CDKL4: variants seen among roughly 807,000 people sequenced by gnomAD.
CDKL4 encodes the protein cyclin-dependent kinase-like 4.
A neutral mutation model predicts 42.0 loss-of-function variants in CDKL4; 44 were observed. That is an observed-to-expected ratio of 1.05 (90% CI 0.82 to 1.35). The LOEUF (loss-of-function observed/expected upper bound fraction) is 1.35, where lower values mean the gene tolerates loss of function less well. CDKL4 is among the 40% of genes most tolerant of loss of function. The probability of loss-of-function intolerance (pLI) is 0.00; values close to 1 mark genes in which losing one functional copy is unlikely to be tolerated. For missense variants in CDKL4, 393 were observed against 369.9 expected (o/e 1.06, Z -0.51); for synonymous variants, 120 against 121.6 (o/e 0.99, Z 0.09).
chr2:39,174,176 G>A (rs1213660754), downstream of CDKL4, among the ~76,000 whole-genome samples: 2 of 151,992 alleles, frequency 1.3e-5, no homozygotes, highest in African/African-American at 2.4e-5. Flanking sequence ...AGGCCGAGGT[G>A]GGAGGATCAC....
At chr2:39,197,725 A>G (rs1422345989) in intron 5 of CDKL4, among the ~76,000 whole-genome samples, 3 of 152,222 alleles carry the variant, frequency 2.0e-5, no homozygotes, top group African/African-American at 7.2e-5. Flanking sequence ...AGAATTTTGT[A>G]TCTAGTGAAA....
intron 4 of CDKL4, among the ~76,000 whole-genome samples, chr2:39,204,996 C>A (rs1677076237): frequency 6.6e-6 from 1 of 151,368 alleles, no homozygotes; most frequent in African/African-American, 2.4e-5. Flanking sequence ...CTGGGCAATG[C>A]AATGAGACCC....
chr2:39,207,070 T>G (rs561044713), intron 4 of CDKL4, among the ~76,000 whole-genome samples: 13 of 152,286 alleles, frequency 8.5e-5, no homozygotes, highest in Non-Finnish European at 1.6e-4. Flanking sequence ...TTAAAAGTAC[T>G]AAGGCCTTAG....
chr2:39,215,306 A>G (rs570728055), intron 3 of CDKL4, among the ~76,000 whole-genome samples: 3 of 152,196 alleles, frequency 2.0e-5, no homozygotes, highest in East Asian at 3.9e-4. Flanking sequence ...ATTCCATTTT[A>G]TGCCTTTATT....
intron 4 of CDKL4, among the ~76,000 whole-genome samples, chr2:39,212,261 T>A (rs937903760): frequency 2.7e-5 from 4 of 147,718 alleles, no homozygotes; most frequent in African/African-American, 1.0e-4. Flanking sequence ...TGAGACAGAG[T>A]CTCACACTGT....
At chr2:39,213,143 G>A (rs1039497049) in intron 4 of CDKL4, among the ~76,000 whole-genome samples, 1 of 152,084 alleles carries the variant, frequency 6.6e-6, no homozygotes, top group East Asian at 1.9e-4. Context: ...ACTTTCTTTT[G>A]TTATTCCCTT....
At chr2:39,223,442 G>A (rs187424760) in intron 3 of CDKL4, among the ~76,000 whole-genome samples, 1 of 152,100 alleles carries the variant, frequency 6.6e-6, no homozygotes, top group Non-Finnish European at 1.5e-5. Flanking sequence ...CTGTTGATAA[G>A]ACTGGGTATA....
chr2:39,203,351 C>G (rs1012564096), intron 5 of CDKL4, among the ~76,000 whole-genome samples: 7 of 152,092 alleles, frequency 4.6e-5, no homozygotes, highest in Non-Finnish European at 1.0e-4. Context: ...ATATGAAATG[C>G]TGCTCTTATG....
exon 6 of CDKL4, chr2:39,190,455 C>T: frequency 1.9e-6 from 3 of 1,614,112 alleles, no homozygotes; most frequent in Non-Finnish European, 2.5e-6. Flanking sequence ...AGTTCAGGAG[C>T]TCGGTACCAT....
intron 5 of CDKL4, among the ~76,000 whole-genome samples, chr2:39,197,321 G>A (rs1676575943): frequency 1.3e-5 from 2 of 152,164 alleles, no homozygotes; most frequent in Admixed American, 6.5e-5. Context: ...CCTCCAAGAA[G>A]TTTGGTATTA....
chr2:39,246,808 A>G (rs763741221), upstream of CDKL4, among the ~76,000 whole-genome samples: 1 of 152,162 alleles, frequency 6.6e-6, no homozygotes, highest in Non-Finnish European at 1.5e-5. Context: ...CAGTGTCACA[A>G]TCATAGCTCA....
At chr2:39,232,577 A>G (rs1679137810) in intron 1 of CDKL4, among the ~76,000 whole-genome samples, 1 of 152,210 alleles carries the variant, frequency 6.6e-6, no homozygotes, top group Non-Finnish European at 1.5e-5. Context: ...ATGGCTTGTC[A>G]AGGTACATGT....
At chr2:39,226,758 T>C (rs1053345129) in intron 2 of CDKL4, among the ~76,000 whole-genome samples, 2 of 151,860 alleles carry the variant, frequency 1.3e-5, no homozygotes. Context: ...GGTGACCACA[T>C]AATTCAGCAT....
intron 8 of CDKL4, among the ~76,000 whole-genome samples, chr2:39,183,499 G>C (rs1425251236): frequency 6.6e-6 from 1 of 152,190 alleles, no homozygotes; most frequent in Non-Finnish European, 1.5e-5. Flanking sequence ...CTTTGGAGAT[G>C]AGGACAGGGA....
chr2:39,187,796 G>T, intron 6 of CDKL4, 87 bp from the exon 7 acceptor site: 1 of 824,628 alleles, frequency 1.2e-6, no homozygotes, highest in Non-Finnish European at 2.0e-6. Context: ...GGCCAGGCAT[G>T]GTGGCTCACA....
intron 3 of CDKL4, among the ~76,000 whole-genome samples, chr2:39,214,430 A>C (rs1490817662): frequency 6.6e-6 from 1 of 152,198 alleles, no homozygotes; most frequent in Non-Finnish European, 1.5e-5. Flanking sequence ...GCTCCAGAGG[A>C]GATCATTATA....
intron 4 of CDKL4, among the ~76,000 whole-genome samples, chr2:39,212,806 C>T (rs188204845): frequency 1.1e-4 from 17 of 152,110 alleles, no homozygotes; most frequent in South Asian, 6.2e-4. Context: ...ATTACAGGTG[C>T]GCACCACCAT....
intron 3 of CDKL4, among the ~76,000 whole-genome samples, chr2:39,220,941 C>T (rs998863568): frequency 5.3e-5 from 7 of 132,786 alleles, no homozygotes; most frequent in Non-Finnish European, 1.1e-4. Flanking sequence ...ATCTCACCAT[C>T]CCATGGCTCA....
At chr2:39,171,218 G>A (rs987217312), downstream of CDKL4, among the ~76,000 whole-genome samples, 6 of 147,336 alleles carry the variant, frequency 4.1e-5, no homozygotes, top group South Asian at 2.1e-4. Context: ...TCGTCTGGGC[G>A]ACAGAGAGAG....
Sources: allele counts gnomAD v4.1 joint callset (sites outside exome capture counted in the v4.1 genomes callset), GRCh38; gene constraint gnomAD v4.1.1; transcripts MANE v1.5; gene names NCBI Gene and HGNC (gene_info 2026-07-23, HGNC 2026-07-21).